Variants in ELAVL4 observed in about 807,000 individuals in gnomAD.
The protein encoded by ELAVL4 is ELAV like RNA binding protein 4.
In ELAVL4, 1 loss-of-function variant was observed where a neutral mutation model predicts 35.6. That is an observed-to-expected ratio of 0.03 (90% CI 0.01 to 0.13). The LOEUF (loss-of-function observed/expected upper bound fraction) is 0.13. ELAVL4 is among the 10% of genes least tolerant of loss of function. ELAVL4 has a pLI of 1.00. For missense variants in ELAVL4, 267 were observed against 464.9 expected (o/e 0.57, Z 3.91); for synonymous variants, 156 against 171.0 (o/e 0.91, Z 0.69).
intron 1 of ELAVL4, among the ~76,000 whole-genome samples, chr1:50,079,288 GATGTAGACTAGC>G (rs926152767): frequency 6.6e-6 from 1 of 152,142 alleles, no homozygotes; most frequent in Non-Finnish European, 1.5e-5. Flanking sequence ...AGTAGATTCT[GATGTAGACTAGC>G]ATGTAGGAGA....
intron 3 of ELAVL4, among the ~76,000 whole-genome samples, chr1:50,193,366 GTTT>G (rs5774071): frequency 6.9e-6 from 1 of 145,284 alleles, no homozygotes; most frequent in Non-Finnish European, 1.5e-5. Flanking sequence ...ATTTCATGAG[GTTT>G]TTTTTTTTTT....
intron 2 of ELAVL4, among the ~76,000 whole-genome samples, chr1:50,156,092 C>T (rs1675694978): frequency 6.6e-6 from 1 of 152,134 alleles, no homozygotes. Flanking sequence ...CGCACGCAGG[C>T]ACACACACAA....
intron 1 of ELAVL4, among the ~76,000 whole-genome samples, chr1:50,083,888 T>C (rs541847939): frequency 6.6e-6 from 1 of 152,314 alleles, no homozygotes; most frequent in Non-Finnish European, 1.5e-5. Flanking sequence ...TAACTACTTG[T>C]TTGGTATTTC....
intron 3 of ELAVL4, among the ~76,000 whole-genome samples, chr1:50,189,152 C>G (rs1031596202): frequency 6.6e-6 from 1 of 152,218 alleles, no homozygotes. Context: ...TCATTGCACC[C>G]AACATGCCTT....
intron 1 of ELAVL4, among the ~76,000 whole-genome samples, chr1:50,080,235 A>G (rs1664946629): frequency 6.6e-6 from 1 of 152,196 alleles, no homozygotes. Flanking sequence ...CCAACTTTGT[A>G]CTGATCCTGG....
At chr1:50,081,191 G>A (rs1664990384) in intron 1 of ELAVL4, among the ~76,000 whole-genome samples, 1 of 152,106 alleles carries the variant, frequency 6.6e-6, no homozygotes, top group Non-Finnish European at 1.5e-5. Context: ...ACTGTCTGTT[G>A]TACTGGTTAG....
At chr1:50,190,752 A>AC (rs1682543066) in intron 3 of ELAVL4, among the ~76,000 whole-genome samples, 1 of 152,190 alleles carries the variant, frequency 6.6e-6, no homozygotes, top group South Asian at 2.1e-4. Context: ...GGCAGGGTTC[A>AC]CCCTGTTCCC....
At chr1:50,179,337 C>T (rs972638141) in intron 3 of ELAVL4, among the ~76,000 whole-genome samples, 6 of 152,068 alleles carry the variant, frequency 3.9e-5, no homozygotes, top group Non-Finnish European at 7.4e-5. Flanking sequence ...GGGACTTCAG[C>T]CCTTTCATTA....
chr1:50,174,490 T>G (rs1679624908), intron 2 of ELAVL4: 1 of 132,774 alleles, frequency 7.5e-6, no homozygotes, highest in African/African-American at 2.6e-5. Context: ...TTTTGTTTGT[T>G]TTTTTTTTTT....
intron 2 of ELAVL4, among the ~76,000 whole-genome samples, chr1:50,149,329 C>G (rs937326671): frequency 6.6e-6 from 1 of 150,796 alleles, no homozygotes; most frequent in Non-Finnish European, 1.5e-5. Flanking sequence ...ATCTGGGAGG[C>G]GGAGGTTGCA....
chr1:50,093,904 T>C (rs1352348703), intron 1 of ELAVL4, among the ~76,000 whole-genome samples: 1 of 152,258 alleles, frequency 6.6e-6, no homozygotes, highest in Non-Finnish European at 1.5e-5. Flanking sequence ...ATGATGTATG[T>C]TATTTAACCT....
intron 1 of ELAVL4, among the ~76,000 whole-genome samples, chr1:50,054,132 A>G (rs1185198352): frequency 6.6e-6 from 1 of 152,244 alleles, no homozygotes; most frequent in African/African-American, 2.4e-5. Context: ...GTAAATGTTG[A>G]CGTAAATATT....
intron 1 of ELAVL4, among the ~76,000 whole-genome samples, chr1:50,132,512 T>C (rs1051197008): frequency 1.1e-4 from 16 of 152,236 alleles, no homozygotes; most frequent in Non-Finnish European, 2.1e-4. Context: ...CTCTCCTTGC[T>C]GTCCTCATGA....
Position 50,200,831 on chromosome 1 carries a change from C to G in ELAVL4, c.774-20C>G, listed in dbSNP as rs116030028. The stretch of plus-strand genomic sequence containing the variant: ...CAGACTGATGTCTGGACCAGTCCCC[C>G]CTTCTGCTTGTCCCCCCAGGTTCTC... On this transcript the variant is annotated intron_variant, in intron 6 of 6. Transcript: ENST00000371824. 2.9e-5 allele frequency: 47 copies of G among 1,607,770 alleles called. No individual in the cohort carries two copies. The East Asian group carries it at 7.4e-4, about 25-fold the overall frequency.
At chr1:50,085,128 G>A (rs1003190371) in intron 1 of ELAVL4, among the ~76,000 whole-genome samples, 3 of 152,172 alleles carry the variant, frequency 2.0e-5, no homozygotes, top group Admixed American at 1.3e-4. Flanking sequence ...CTGTGTGGGG[G>A]TGCCAGTTTC....
At chr1:50,136,536 C>T (rs930060597) in intron 1 of ELAVL4, among the ~76,000 whole-genome samples, 8 of 152,136 alleles carry the variant, frequency 5.3e-5, no homozygotes, top group Non-Finnish European at 1.0e-4. Flanking sequence ...TAGCTTTATA[C>T]ATATATTTTC....
chr1:50,068,373 T>G (rs985613220), intron 1 of ELAVL4, among the ~76,000 whole-genome samples: 1 of 152,176 alleles, frequency 6.6e-6, no homozygotes, highest in Middle Eastern at 3.4e-3. Flanking sequence ...TTCTAGTATT[T>G]TGAAGGATTT....
intron 2 of ELAVL4, among the ~76,000 whole-genome samples, chr1:50,168,389 TG>T (rs1422523315): frequency 6.6e-6 from 1 of 152,212 alleles, no homozygotes; most frequent in East Asian, 1.9e-4. Flanking sequence ...AGGCTGTGCA[TG>T]CATCTTTAGT....
intron 1 of ELAVL4, among the ~76,000 whole-genome samples, chr1:50,059,188 T>G (rs556393714): frequency 1.1e-3 from 171 of 152,316 alleles, no homozygotes; most frequent in African/African-American, 3.8e-3. Context: ...TCAATCATAT[T>G]TCTCTGATTC....
Sources: allele counts gnomAD v4.1 joint callset (sites outside exome capture counted in the v4.1 genomes callset), GRCh38; gene constraint gnomAD v4.1.1; transcripts MANE v1.5; gene names NCBI Gene and HGNC (gene_info 2026-07-23, HGNC 2026-07-21).